Variants in CADPS observed in about 807,000 individuals in gnomAD.
CADPS encodes calcium-dependent secretion activator 1.
CADPS carries 57 observed loss-of-function variants against 167.3 expected under a neutral mutation model. The observed-to-expected ratio is 0.34, with a 90% CI of 0.28 to 0.42. The LOEUF (loss-of-function observed/expected upper bound fraction) is 0.42, where lower values mean the gene tolerates loss of function less well. Ranked by LOEUF, CADPS falls within the 20% of genes least tolerant of loss-of-function variation. The probability of loss-of-function intolerance (pLI) is 1.00; values close to 1 mark genes in which losing one functional copy is unlikely to be tolerated. For synonymous variants in CADPS, 676 were observed against 635.3 expected (o/e 1.06, Z -0.96); for missense variants, 1,414 against 1,738.1 (o/e 0.81, Z 3.32).
At chr3:62,648,461 G>A (rs1296051135) in intron 5 of CADPS, among the ~76,000 whole-genome samples, 1 of 151,770 alleles carries the variant, frequency 6.6e-6, no homozygotes, top group Non-Finnish European at 1.5e-5. Context: ...GTGGATAGAT[G>A]GCATGAGTCC....
At chr3:62,482,719 G>A (rs1468791111) in intron 21 of CADPS, among the ~76,000 whole-genome samples, 2 of 152,240 alleles carry the variant, frequency 1.3e-5, no homozygotes, top group Non-Finnish European at 2.9e-5. Flanking sequence ...GACACTGGGA[G>A]AAAGCATGAA....
chr3:62,558,319 G>A (rs1283484872), intron 9 of CADPS, among the ~76,000 whole-genome samples: 3 of 152,188 alleles, frequency 2.0e-5, no homozygotes, highest in Non-Finnish European at 4.4e-5. Flanking sequence ...ACAGCTGCAG[G>A]CCCGCCTTCA....
In CADPS at chr3:62,788,022, T is replaced by C. The variant is rs138673002; in HGVS notation, c.442-22038A>G. Among the ~76,000 whole-genome samples, 14 of 152,340 alleles carry C rather than the reference T, an allele frequency of 9.2e-5. No individual in the cohort carries two copies. In the East Asian group the frequency reaches 1.7e-3, roughly 19 times the overall value. On this transcript the variant is annotated intron_variant, in intron 1 of 29. Coordinates refer to ENST00000383710, the MANE Select transcript of CADPS (RefSeq NM_003716.4). Reference sequence around the variant, plus strand: ...ATCTTCAATGTGTCTTTAATGTGTTTCTCACAGTTGTATAAAAAATGTCAT... The same window carrying C: ...ATCTTCAATGTGTCTTTAATGTGTTCCTCACAGTTGTATAAAAAATGTCAT...
At chr3:62,698,895 A>C (rs1391900221) in intron 3 of CADPS, among the ~76,000 whole-genome samples, 1 of 150,496 alleles carries the variant, frequency 6.6e-6, no homozygotes, top group Non-Finnish European at 1.5e-5. Flanking sequence ...ACATACCACC[A>C]TGCCCAGCTA....
intron 3 of CADPS, among the ~76,000 whole-genome samples, chr3:62,666,831 G>C (rs1057507430): frequency 4.6e-5 from 7 of 152,168 alleles, no homozygotes; most frequent in African/African-American, 1.7e-4. Flanking sequence ...TCCTGTTACT[G>C]TAGGGCCAAT....
chr3:62,870,621 A>G (rs2082461718), intron 1 of CADPS, among the ~76,000 whole-genome samples: 1 of 152,176 alleles, frequency 6.6e-6, no homozygotes, highest in Admixed American at 6.5e-5. Flanking sequence ...TTGCTGTGTA[A>G]TAGACAGTTT....
At chr3:62,820,412 T>C (rs989129316) in intron 1 of CADPS, among the ~76,000 whole-genome samples, 3 of 152,162 alleles carry the variant, frequency 2.0e-5, no homozygotes, top group Non-Finnish European at 4.4e-5. Flanking sequence ...TGACTCTCCC[T>C]CTCATTTTCA....
At chr3:62,781,963 G>C (rs998108049) in intron 1 of CADPS, among the ~76,000 whole-genome samples, 1 of 152,178 alleles carries the variant, frequency 6.6e-6, no homozygotes, top group Non-Finnish European at 1.5e-5. Context: ...GTTCTAAGAA[G>C]CTTCTATGAA....
At chr3:62,863,886 A>G (rs2081244725) in intron 1 of CADPS, among the ~76,000 whole-genome samples, 1 of 152,202 alleles carries the variant, frequency 6.6e-6, no homozygotes, top group Non-Finnish European at 1.5e-5. Context: ...GAGTTAGAAA[A>G]TAAGGGGAAA....
chr3:62,721,915 G>A (rs1236646091), intron 3 of CADPS, among the ~76,000 whole-genome samples: 2 of 152,126 alleles, frequency 1.3e-5, no homozygotes, highest in Admixed American at 1.3e-4. Flanking sequence ...ATCCCAGTCT[G>A]GGTTCAAAAC....
chr3:62,482,496 T>C (rs1162897301), intron 21 of CADPS, among the ~76,000 whole-genome samples: 2 of 152,160 alleles, frequency 1.3e-5, no homozygotes. Flanking sequence ...AGAAGAAAGA[T>C]CAGATTTGAA....
intron 6 of CADPS, among the ~76,000 whole-genome samples, chr3:62,641,005 G>C (rs1261048434): frequency 6.6e-6 from 1 of 151,684 alleles, no homozygotes; most frequent in Non-Finnish European, 1.5e-5. Context: ...CGTATACCAA[G>C]ATACTTTCAT....
chr3:62,591,679 T>A (rs955843678), intron 7 of CADPS, among the ~76,000 whole-genome samples: 1 of 152,022 alleles, frequency 6.6e-6, no homozygotes, highest in African/African-American at 2.4e-5. Flanking sequence ...TGGTGCAGAG[T>A]CAATGGTTCA....
intron 6 of CADPS, among the ~76,000 whole-genome samples, chr3:62,605,385 C>T (rs1041567094): frequency 5.3e-5 from 8 of 152,304 alleles, no homozygotes; most frequent in African/African-American, 9.6e-5. Flanking sequence ...TAAGACTCTT[C>T]TATATCTATC....
At chr3:62,473,410 A>T (rs2060865031) in intron 24 of CADPS, among the ~76,000 whole-genome samples, 1 of 152,348 alleles carries the variant, frequency 6.6e-6, no homozygotes, top group Non-Finnish European at 1.5e-5. Flanking sequence ...GTATCGAAAG[A>T]TCTGATTTAG....
chr3:62,400,601 C>CTTTT (rs143643930), intron 29 of CADPS, among the ~76,000 whole-genome samples: 13 of 130,388 alleles, frequency 1.0e-4, no homozygotes, highest in Non-Finnish European at 9.8e-5. Context: ...TTTTTTTTTT[C>CTTTT]TTTTTTTTTT....
At chr3:62,870,206 G>A (rs1345313713) in intron 1 of CADPS, among the ~76,000 whole-genome samples, 1 of 152,088 alleles carries the variant, frequency 6.6e-6, no homozygotes, top group Non-Finnish European at 1.5e-5. Context: ...AAACAATTCT[G>A]TTTAAAGAAA....
At chr3:62,820,791 TTTG>T (rs1345030361) in intron 1 of CADPS, among the ~76,000 whole-genome samples, 2 of 63,738 alleles carry the variant, frequency 3.1e-5, no homozygotes, top group Admixed American at 1.7e-4. Context: ...TCCTCTTTTT[TTTG>T]GTTTTTTTTT....
intron 1 of CADPS, among the ~76,000 whole-genome samples, chr3:62,841,382 A>G (rs528934887): frequency 1.3e-5 from 2 of 152,262 alleles, no homozygotes; most frequent in Admixed American, 1.3e-4. Context: ...CTTTACTATC[A>G]GGTACTTATT....
Sources: allele counts gnomAD v4.1 joint callset (sites outside exome capture counted in the v4.1 genomes callset), GRCh38; gene constraint gnomAD v4.1.1; transcripts MANE v1.5; gene names NCBI Gene and HGNC (gene_info 2026-07-23, HGNC 2026-07-21).